RALYL: variants seen among roughly 807,000 people sequenced by gnomAD.
RALYL encodes the protein RALY RNA binding protein like.
Under a neutral mutation model 35.1 loss-of-function variants are expected in RALYL, and 29 were observed. The observed-to-expected ratio is 0.83, with a 90% CI of 0.61 to 1.13. The LOEUF (loss-of-function observed/expected upper bound fraction) is 1.13, where lower values mean the gene tolerates loss of function less well. Among genes scored for constraint, RALYL ranks in the 50% most tolerant of loss-of-function variants. RALYL has a pLI of 0.00. For missense variants in RALYL, 359 were observed against 360.4 expected (o/e 1.00, Z 0.03); for synonymous variants, 120 against 127.6 (o/e 0.94, Z 0.40).
intron 8 of RALYL, among the ~76,000 whole-genome samples, chr8:84,906,684 T>C (rs115882673): frequency 0.014 from 2,080 of 146,790 alleles, 47 homozygotes; most frequent in African/African-American, 0.053. Context: ...TGGAAGTTAA[T>C]TGATTAAAAA....
intron 2 of RALYL, among the ~76,000 whole-genome samples, chr8:84,764,951 T>G (rs192029662): frequency 1.3e-5 from 2 of 152,334 alleles, no homozygotes; most frequent in Admixed American, 6.5e-5. Flanking sequence ...AATGTCCATA[T>G]TTTAGAGCCC....
intron 1 of RALYL, among the ~76,000 whole-genome samples, chr8:84,251,615 C>T (rs770623936): frequency 2.6e-5 from 4 of 151,978 alleles, no homozygotes; most frequent in African/African-American, 7.2e-5. Context: ...GTGTACATTT[C>T]GCCTTACCTT....
chr8:84,201,032 G>C (rs1816705954), intron 1 of RALYL, among the ~76,000 whole-genome samples: 1 of 152,118 alleles, frequency 6.6e-6, no homozygotes, highest in Non-Finnish European at 1.5e-5. Context: ...CAGTGCAGAA[G>C]GAGCTGATGG....
At chr8:84,193,421 G>A (rs2130901139) in intron 1 of RALYL, among the ~76,000 whole-genome samples, 1 of 152,280 alleles carries the variant, frequency 6.6e-6, no homozygotes, top group South Asian at 2.1e-4. Context: ...CTCAGAAGAG[G>A]AAGAGAATTG....
chr8:84,464,411 G>A (rs1456041346), intron 1 of RALYL, among the ~76,000 whole-genome samples: 6 of 150,860 alleles, frequency 4.0e-5, no homozygotes, highest in African/African-American at 1.5e-4. Flanking sequence ...TTGTTCTTGC[G>A]ATAGTTTACT....
chr8:84,655,337 T>C (rs1829759953), intron 2 of RALYL, among the ~76,000 whole-genome samples: 1 of 151,988 alleles, frequency 6.6e-6, no homozygotes, highest in South Asian at 2.1e-4. Flanking sequence ...TTTTTTGTTG[T>C]TGTTTTTTTG....
intron 1 of RALYL, among the ~76,000 whole-genome samples, chr8:84,238,950 AT>A (rs1411441310): frequency 2.6e-5 from 4 of 152,184 alleles, no homozygotes; most frequent in Admixed American, 6.5e-5. Flanking sequence ...GTGGCTCAGA[AT>A]TAGTGGTTCT....
intron 1 of RALYL, among the ~76,000 whole-genome samples, chr8:84,422,424 T>G (rs1256617074): frequency 7.4e-6 from 1 of 135,678 alleles, no homozygotes; most frequent in African/African-American, 3.0e-5. Context: ...TTATGTCTAT[T>G]TGATTCTTCT....
At chr8:84,338,334 T>G (rs1391627718) in intron 1 of RALYL, among the ~76,000 whole-genome samples, 1 of 151,894 alleles carries the variant, frequency 6.6e-6, no homozygotes, top group Non-Finnish European at 1.5e-5. Flanking sequence ...AGAAATAAAT[T>G]AATTGTACTA....
intron 4 of RALYL, among the ~76,000 whole-genome samples, chr8:84,813,143 C>T (rs1049650550): frequency 1.3e-5 from 2 of 152,166 alleles, no homozygotes; most frequent in Non-Finnish European, 2.9e-5. Context: ...TGACTCAGCT[C>T]CAGATAAGGT....
chr8:84,324,058 A>G (rs1845357687), intron 1 of RALYL, among the ~76,000 whole-genome samples: 1 of 152,036 alleles, frequency 6.6e-6, no homozygotes, highest in African/African-American at 2.4e-5. Context: ...TAAATTTTAA[A>G]GTATGCACGT....
chr8:84,737,770 T>TA (rs1166057515), intron 2 of RALYL, among the ~76,000 whole-genome samples: 2 of 151,854 alleles, frequency 1.3e-5, no homozygotes, highest in South Asian at 2.1e-4. Flanking sequence ...TTTATGCTTT[T>TA]AAAAAAAGAG....
intron 5 of RALYL, among the ~76,000 whole-genome samples, chr8:84,857,694 G>C (rs567360339): frequency 6.6e-6 from 1 of 151,738 alleles, no homozygotes; most frequent in Non-Finnish European, 1.5e-5. Flanking sequence ...CCTGAGAAAT[G>C]TTTGTTTTTA....
At chr8:84,676,157 C>CT (rs1203858320) in intron 2 of RALYL, among the ~76,000 whole-genome samples, 6 of 152,020 alleles carry the variant, frequency 3.9e-5, no homozygotes, top group African/African-American at 1.4e-4. Flanking sequence ...TATAAATGTC[C>CT]TTACATGAAA....
At chr8:84,271,986 T>G (rs921753963) in intron 1 of RALYL, among the ~76,000 whole-genome samples, 1 of 152,206 alleles carries the variant, frequency 6.6e-6, no homozygotes, top group African/African-American at 2.4e-5. Context: ...ATTACCTTAG[T>G]AGAGCTTTAA....
chr8:84,671,812 T>C (rs1416979436), intron 2 of RALYL, among the ~76,000 whole-genome samples: 1 of 152,206 alleles, frequency 6.6e-6, no homozygotes, highest in African/African-American at 2.4e-5. Context: ...CTGGAAGGTC[T>C]TTGACATGCC....
intron 5 of RALYL, among the ~76,000 whole-genome samples, chr8:84,858,626 T>G (rs933507333): frequency 1.3e-5 from 2 of 152,228 alleles, no homozygotes; most frequent in East Asian, 1.9e-4. Context: ...TTCCTTAGTC[T>G]CAATACTATT....
At chr8:84,268,526 T>C (rs979536431) in intron 1 of RALYL, among the ~76,000 whole-genome samples, 1 of 152,198 alleles carries the variant, frequency 6.6e-6, no homozygotes, top group African/African-American at 2.4e-5. Flanking sequence ...ATTGCATTAT[T>C]GTGTAGTTTA....
At chr8:84,492,164 C>T (rs1396053522) in intron 1 of RALYL, among the ~76,000 whole-genome samples, 1 of 151,958 alleles carries the variant, frequency 6.6e-6, no homozygotes, top group African/African-American at 2.4e-5. Context: ...CAGTTTTTCT[C>T]AGTCTTTTCC....
Sources: allele counts gnomAD v4.1 joint callset (sites outside exome capture counted in the v4.1 genomes callset), GRCh38; gene constraint gnomAD v4.1.1; transcripts MANE v1.5; gene names NCBI Gene and HGNC (gene_info 2026-07-23, HGNC 2026-07-21).